The following PTPRT variants were observed in gnomAD, a reference collection of about 807,000 sequenced individuals.
PTPRT encodes the protein protein tyrosine phosphatase receptor type T.
A neutral mutation model predicts 176.8 loss-of-function variants in PTPRT; 56 were observed. The observed-to-expected ratio is 0.32, with a 90% CI of 0.26 to 0.40. PTPRT has a LOEUF of 0.40. PTPRT is among the 10% of genes least tolerant of loss of function. The pLI is 1.00. For synonymous variants in PTPRT, 783 were observed against 739.0 expected (o/e 1.06, Z -0.96); for missense variants, 1,540 against 1,908.2 (o/e 0.81, Z 3.60).
At chr20:42,942,033 G>A (rs904591575) in intron 1 of PTPRT, among the ~76,000 whole-genome samples, 12 of 152,042 alleles carry the variant, frequency 7.9e-5, no homozygotes, top group African/African-American at 9.7e-5. Context: ...AGGGATAGGG[G>A]TAGGAGAAAA....
intron 2 of PTPRT, among the ~76,000 whole-genome samples, chr20:42,869,013 T>C (rs1368135555): frequency 1.3e-5 from 2 of 152,164 alleles, no homozygotes; most frequent in Admixed American, 6.5e-5. Flanking sequence ...CCACATGGTG[T>C]TGACCCTGCA....
chr20:43,147,627 A>C (rs985349223), intron 1 of PTPRT, among the ~76,000 whole-genome samples: 5 of 152,200 alleles, frequency 3.3e-5, no homozygotes, highest in African/African-American at 1.2e-4. Context: ...TAACATTTCA[A>C]GTCTATATTG....
intron 16 of PTPRT, among the ~76,000 whole-genome samples, chr20:42,192,891 T>C (rs1046316396): frequency 2.0e-5 from 3 of 152,184 alleles, no homozygotes; most frequent in African/African-American, 7.2e-5. Context: ...CGGCAGAACC[T>C]GTCTGTGCGT....
At chr20:42,916,682 T>C (rs1489697633) in intron 1 of PTPRT, among the ~76,000 whole-genome samples, 4 of 152,222 alleles carry the variant, frequency 2.6e-5, no homozygotes, top group African/African-American at 7.2e-5. Context: ...TGGTATCTCA[T>C]TGTGGTTTTG....
chr20:42,081,053 C>T, intron 30 of PTPRT, 121 bp from the exon 31 acceptor site: 1 of 752,268 alleles, frequency 1.3e-6, no homozygotes, highest in Non-Finnish European at 2.1e-6. Flanking sequence ...TTTCTATATC[C>T]ATATTATGTC....
chr20:42,795,471 G>A (rs191921049), intron 2 of PTPRT, among the ~76,000 whole-genome samples: 79 of 152,290 alleles, frequency 5.2e-4, no homozygotes, highest in African/African-American at 1.8e-3. Context: ...TCCTCACGTC[G>A]GCAGTAAAAA....
At chr20:42,870,059 G>C (rs1250233947) in intron 2 of PTPRT, among the ~76,000 whole-genome samples, 1 of 152,120 alleles carries the variant, frequency 6.6e-6, no homozygotes, top group African/African-American at 2.4e-5. Context: ...TCAACCTCCA[G>C]AACTGTGAGA....
intron 21 of PTPRT, 25 bp from the exon 22 acceptor site, chr20:42,115,340 CAG>C (rs757499009): frequency 1.3e-6 from 2 of 1,553,536 alleles, no homozygotes; most frequent in African/African-American, 1.4e-5. Flanking sequence ...GAGACAGAGA[CAG>C]AGACAGAACA....
intron 16 of PTPRT, among the ~76,000 whole-genome samples, chr20:42,182,768 G>A (rs1427014319): frequency 6.6e-6 from 1 of 152,068 alleles, no homozygotes; most frequent in East Asian, 1.9e-4. Flanking sequence ...GAGCAAGCAG[G>A]GAGATCTAGT....
intron 1 of PTPRT, among the ~76,000 whole-genome samples, chr20:42,995,142 A>G (rs6072933): frequency 0.21 from 32,153 of 152,164 alleles, 3,573 homozygotes; most frequent in Non-Finnish European, 0.24. Context: ...GTTATCTACT[A>G]CTGTGTAACA....
intron 1 of PTPRT, among the ~76,000 whole-genome samples, chr20:43,075,545 G>T (rs1034348756): frequency 2.6e-5 from 4 of 152,182 alleles, no homozygotes; most frequent in Admixed American, 6.5e-5. Context: ...GCACATATGG[G>T]CCCCAGCAGC....
At chr20:42,313,710 C>T (rs955324997) in intron 12 of PTPRT, among the ~76,000 whole-genome samples, 3 of 152,248 alleles carry the variant, frequency 2.0e-5, no homozygotes, top group South Asian at 2.1e-4. Context: ...TGCCGAGAAC[C>T]GAGAACAAGA....
At chr20:43,013,978 G>A (rs377567706) in intron 1 of PTPRT, among the ~76,000 whole-genome samples, 41 of 152,306 alleles carry the variant, frequency 2.7e-4, no homozygotes, top group East Asian at 2.5e-3. Context: ...ATAATAAGGC[G>A]AGGTCACTTA....
intron 14 of PTPRT, among the ~76,000 whole-genome samples, chr20:42,243,589 T>A (rs2056397248): frequency 6.6e-6 from 1 of 152,082 alleles, no homozygotes; most frequent in Non-Finnish European, 1.5e-5. Flanking sequence ...AACAGCATGC[T>A]CAAAAGAAGA....
intron 4 of PTPRT, among the ~76,000 whole-genome samples, chr20:42,772,650 C>A (rs2077079536): frequency 6.6e-6 from 1 of 152,130 alleles, no homozygotes; most frequent in Non-Finnish European, 1.5e-5. Context: ...AATGAAGGAT[C>A]TCTATGCCAT....
intron 12 of PTPRT, among the ~76,000 whole-genome samples, chr20:42,302,816 G>T (rs551117476): frequency 6.6e-6 from 1 of 152,282 alleles, no homozygotes; most frequent in African/African-American, 2.4e-5. Flanking sequence ...GCACAATTCT[G>T]CAGAGTAAAC....
chr20:42,559,621 G>A (rs2145644171), intron 7 of PTPRT, among the ~76,000 whole-genome samples: 1 of 152,284 alleles, frequency 6.6e-6, no homozygotes, highest in Non-Finnish European at 1.5e-5. Flanking sequence ...TGACATTATA[G>A]TCTCTTCCAT....
At chr20:42,744,563 T>G (rs1264801456) in intron 6 of PTPRT, among the ~76,000 whole-genome samples, 1 of 152,232 alleles carries the variant, frequency 6.6e-6, no homozygotes, top group African/African-American at 2.4e-5. Flanking sequence ...TGGCTTTTTT[T>G]GATCCAAATT....
chr20:42,917,983 G>A (rs537164666), intron 1 of PTPRT, among the ~76,000 whole-genome samples: 4 of 152,212 alleles, frequency 2.6e-5, no homozygotes, highest in South Asian at 2.1e-4. Context: ...ACTAGCGGTC[G>A]CGTGTCCCAG....
Sources: allele counts gnomAD v4.1 joint callset (sites outside exome capture counted in the v4.1 genomes callset), GRCh38; gene constraint gnomAD v4.1.1; transcripts MANE v1.5; gene names NCBI Gene and HGNC (gene_info 2026-07-23, HGNC 2026-07-21).